Variants in CDC42 observed in about 807,000 individuals in gnomAD.
The protein encoded by CDC42 is cell division cycle 42.
In CDC42, 1 loss-of-function variant was observed where a neutral mutation model predicts 20.8. That is an observed-to-expected ratio of 0.05 (90% confidence interval 0.02 to 0.23). CDC42 has a LOEUF of 0.23. CDC42 is among the 10% of genes least tolerant of loss of function. The pLI is 1.00. For missense variants in CDC42, 49 were observed against 227.9 expected (o/e 0.21, Z 5.05); for synonymous variants, 72 against 84.8 (o/e 0.85, Z 0.83).
At chr1:22,065,949 G>A (rs1193880814) in intron 1 of CDC42, among the ~76,000 whole-genome samples, 6 of 151,982 alleles carry the variant, frequency 3.9e-5, no homozygotes, top group Admixed American at 6.6e-5. Flanking sequence ...TAGCAGAGAC[G>A]GGATTTCACC....
chr1:22,081,385 T>G (rs950099706), intron 2 of CDC42, among the ~76,000 whole-genome samples: 2 of 152,208 alleles, frequency 1.3e-5, no homozygotes, highest in Admixed American at 1.3e-4. Flanking sequence ...TCAGATTGAA[T>G]GTTGAGGTAG....
chr1:22,090,512 C>G, intron 5 of CDC42: 2 of 987,190 alleles, frequency 2.0e-6, no homozygotes, highest in Non-Finnish European at 2.4e-6. Flanking sequence ...TCTGGTTTTC[C>G]TTTGTGCGGT....
intron 1 of CDC42, among the ~76,000 whole-genome samples, chr1:22,055,195 C>T (rs1045738256): frequency 2.6e-5 from 4 of 151,108 alleles, no homozygotes; most frequent in African/African-American, 7.3e-5. Flanking sequence ...CCTCGTGATC[C>T]GCCCGCCTCG....
At position 22,094,435 on chromosome 1, in the gene CDC42, C is replaced by T. The variant is rs1645743156; in HGVS notation, c.*2918C>T. ...GCCTCAGCCTCCCGAGTAGCTGGGA[C>T]TACCGGCGCCCGCTACCACGCCCGG... On this transcript the variant is annotated 3_prime_UTR_variant, in exon 6 of 6. Coordinates refer to ENST00000656825, the MANE Select transcript of CDC42 (RefSeq NM_001791.4). 1.4e-5 allele frequency among the ~76,000 whole-genome samples: 2 copies of T among 142,344 alleles called. No individual in the cohort carries two copies. The highest frequency in any genetic ancestry group is 2.7e-5 in the African/African-American group (1 of 36,770). The allele number at this position is 142,344 out of a possible 152,430, so 93.4% of individuals were successfully genotyped here. A position where few individuals can be genotyped will look rare whatever the true frequency, so the allele number is the denominator to read the frequency against.
intron 1 of CDC42, among the ~76,000 whole-genome samples, chr1:22,057,816 C>T (rs553218562): frequency 6.6e-5 from 10 of 151,664 alleles, no homozygotes; most frequent in Admixed American, 1.3e-4. Flanking sequence ...CTCTGCCTCC[C>T]GGGTTCAAGT....
At chr1:22,082,684 G>A (rs904851508) in intron 3 of CDC42, among the ~76,000 whole-genome samples, 1 of 152,126 alleles carries the variant, frequency 6.6e-6, no homozygotes, top group Non-Finnish European at 1.5e-5. Context: ...TGTGTACCAC[G>A]AGGAACTATT....
chr1:22,089,819 G>GT, intron 5 of CDC42: 1 of 936,534 alleles, frequency 1.1e-6, no homozygotes. Context: ...GCATTCTAGC[G>GT]TTTTTCTTAA....
chr1:22,054,878 A>T (rs1645278160), intron 1 of CDC42, among the ~76,000 whole-genome samples: 1 of 113,882 alleles, frequency 8.8e-6, no homozygotes, highest in Non-Finnish European at 1.8e-5. Context: ...AAGTAACAGT[A>T]GTTTGAATTT....
chr1:22,070,252 C>T (rs947735022), intron 1 of CDC42, among the ~76,000 whole-genome samples: 1 of 152,162 alleles, frequency 6.6e-6, no homozygotes, highest in East Asian at 1.9e-4. Flanking sequence ...TCTTAAATAT[C>T]TGCTAGCTGT....
At chr1:22,081,663 C>A in intron 2 of CDC42, 59 bp from the exon 3 acceptor site, 2 of 1,021,236 alleles carry the variant, frequency 2.0e-6, no homozygotes, top group East Asian at 2.4e-5. Flanking sequence ...TAAGAGTTGT[C>A]CTGTCCCATT....
chr1:22,101,093 G>A lies in CDC42; in HGVS notation c.*9576G>A, dbSNP rs1645786078. ...GACTTTACTGGAGGGTGCTGAGTTT[G>A]TGATTATCTCCTCTGCTGCTAGAAA... On this transcript the variant is annotated 3_prime_UTR_variant, in exon 6 of 6. Transcript: ENST00000656825. 1.3e-5 allele frequency: 2 copies of A among 152,222 alleles called. No homozygotes were observed. The highest frequency in any genetic ancestry group is 4.1e-4 in the South Asian group (2 of 4,828). 9.4% of individuals were successfully genotyped at this position (152,222 alleles called of 1,614,324 possible). A position where few individuals can be genotyped will look rare whatever the true frequency, so the allele number is the denominator to read the frequency against.
intron 1 of CDC42, among the ~76,000 whole-genome samples, chr1:22,069,976 C>T (rs1029774194): frequency 1.3e-5 from 2 of 152,016 alleles, no homozygotes; most frequent in East Asian, 1.9e-4. Context: ...TTGGTAGAGA[C>T]GCAGTTTTGC....
chr1:22,059,936 A>G lies in CDC42; in HGVS notation c.-51+7194A>G, dbSNP rs16826263. Reference sequence around the variant, plus strand: ...GGTGTAGGAGAAATTCTCCAGGACTATCCCTGAGAGCTGGGGGATCAGTGT... The same window carrying G: ...GGTGTAGGAGAAATTCTCCAGGACTGTCCCTGAGAGCTGGGGGATCAGTGT... On this transcript the variant is annotated intron_variant, in intron 1 of 5. Coordinates refer to ENST00000656825, the MANE Select transcript of CDC42 (RefSeq NM_001791.4). Among the ~76,000 whole-genome samples the G allele has an allele frequency of 4.3e-3, 656 of 152,308 alleles. 6 individuals are homozygous for G. The highest frequency in any genetic ancestry group is 0.015 in the African/African-American group (641 of 41,566).
At chr1:22,081,181 C>T (rs1029812659) in intron 2 of CDC42, among the ~76,000 whole-genome samples, 2 of 152,148 alleles carry the variant, frequency 1.3e-5, no homozygotes, top group East Asian at 3.9e-4. Context: ...AAAAAAACTT[C>T]CCAGCAAATA....
intron 1 of CDC42, among the ~76,000 whole-genome samples, chr1:22,070,051 G>A (rs1440631517): frequency 6.6e-6 from 1 of 152,160 alleles, no homozygotes; most frequent in Non-Finnish European, 1.5e-5. Flanking sequence ...GCTTCTCAAA[G>A]TGCTGGGATT....
chr1:22,090,229 G>T, intron 5 of CDC42: 1 of 1,264,202 alleles, frequency 7.9e-7, no homozygotes, highest in South Asian at 2.6e-5. Flanking sequence ...TAGTCAAGTT[G>T]GACTTGTTTT....
intron 1 of CDC42, among the ~76,000 whole-genome samples, chr1:22,074,848 C>T (rs1645531727): frequency 6.6e-6 from 1 of 152,146 alleles, no homozygotes; most frequent in Non-Finnish European, 1.5e-5. Flanking sequence ...AATAGAAGAG[C>T]TGAGGAAAGG....
intron 1 of CDC42, among the ~76,000 whole-genome samples, chr1:22,077,926 T>C (rs1645568207): frequency 6.6e-6 from 1 of 152,216 alleles, no homozygotes; most frequent in Admixed American, 6.5e-5. Context: ...GTTACTCATA[T>C]AATTACCGTG....
Position 22,078,453 on chromosome 1 carries a change from A to T in CDC42, c.-26A>T, listed in dbSNP as rs777290250. 3 of 1,515,978 alleles carry T rather than the reference A, an allele frequency of 2.0e-6. No homozygotes were observed. Among genetic ancestry groups the T allele is most frequent in the Admixed American group, 3.5e-5 (2 of 56,588 alleles). 93.9% of individuals were successfully genotyped at this position (1,515,978 alleles called of 1,614,324 possible). A position where few individuals can be genotyped will look rare whatever the true frequency, so the allele number is the denominator to read the frequency against. ...GGTCATCATCAGATTTGAAATATTTAAAGTGGATACAAAACTATTTCAGCA... is the reference window on the plus strand; with the variant it reads ...GGTCATCATCAGATTTGAAATATTTTAAGTGGATACAAAACTATTTCAGCA... On this transcript the variant is annotated 5_prime_UTR_variant, in exon 2 of 6. Coordinates refer to ENST00000656825, the MANE Select transcript of CDC42 (RefSeq NM_001791.4).
Sources: gnomAD v4.1 joint callset for allele counts (sites outside exome capture counted in the v4.1 genomes callset) on GRCh38, gnomAD v4.1.1 for gene constraint, MANE v1.5 for transcripts, NCBI Gene and HGNC (gene_info 2026-07-23, HGNC 2026-07-21) for gene names.